Variants in ATP6V0C observed in about 807,000 individuals in gnomAD.
The protein encoded by ATP6V0C is ATPase H+ transporting V0 subunit c, also known as V-type proton ATPase 16 kDa proteolipid subunit c.
In ATP6V0C, 2 loss-of-function variants were observed where a neutral mutation model predicts 10.6. The ratio of observed to expected loss-of-function variants is 0.19; its 90% CI spans 0.08 to 0.59. The LOEUF (loss-of-function observed/expected upper bound fraction) is 0.59. Ranked by LOEUF, ATP6V0C falls within the 20% of genes least tolerant of loss-of-function variation. The pLI is 0.90. For missense variants in ATP6V0C, 89 were observed against 225.9 expected (o/e 0.39, Z 3.88); for synonymous variants, 128 against 101.3 (o/e 1.26, Z -1.59).
chr16:2,517,974 C>T (rs1452604200), intron 1 of ATP6V0C: 1 of 152,234 alleles, frequency 6.6e-6, no homozygotes, highest in African/African-American at 2.4e-5. Flanking sequence ...CCATGTTACC[C>T]AGGCTAATCT....
intron 1 of ATP6V0C, among the ~76,000 whole-genome samples, chr16:2,518,235 ACACTGCTGTGTC>A (rs371696064): frequency 6.6e-6 from 1 of 152,356 alleles, no homozygotes; most frequent in African/African-American, 2.4e-5. Flanking sequence ...AGCCCCCGTG[ACACTGCTGTGTC>A]CACAGAATTC....
chr16:2,519,663 T>G lies in ATP6V0C; in HGVS notation c.386T>G (p.Val129Gly). The change falls in exon 3 of 3, where the codon GTG becomes GGG. Residue 129 changes from valine to glycine, a missense_variant. Around this residue, in one of 4 missense-constraint regions of ATP6V0C, gnomAD observed 25 missense variants for 92.1 expected, o/e 0.27. Coordinates refer to ENST00000330398, the MANE Select transcript of ATP6V0C (RefSeq NM_001694.4). ...RGTAQQPRLF[V>G]GMILILIFAE... ...ACCGCCCAGCAGCCCCGACTATTCG[T>G]GGGCATGATCCTGATTCTCATCTTC... 1 of 1,612,290 alleles carries G rather than the reference T, an allele frequency of 6.2e-7. No individual in the cohort carries two copies. The highest frequency in any genetic ancestry group is 8.5e-7 in the Non-Finnish European group (1 of 1,178,620).
chr16:2,519,939 C>A lies in ATP6V0C; in HGVS notation c.*194C>A. ...CGCCCCGTGCCGTGGACATCTGGGC[C>A]CACTCATCGCCCCTCCAGGCCCCCG... On this transcript the variant is annotated 3_prime_UTR_variant, in exon 3 of 3. Transcript: ENST00000330398. 1 of 799,338 alleles carries A rather than the reference C, an allele frequency of 1.3e-6. No homozygotes were observed. Among genetic ancestry groups the A allele is most frequent in the Non-Finnish European group, 2.1e-6 (1 of 476,606 alleles). 49.5% of individuals were successfully genotyped at this position (799,338 alleles called of 1,614,324 possible).
intron 1 of ATP6V0C, 87 bp downstream of exon 1, chr16:2,514,269 ACT>A (rs1355960456): frequency 2.2e-6 from 3 of 1,378,318 alleles, no homozygotes; most frequent in African/African-American, 1.5e-5. Flanking sequence ...GTGTGACGTC[ACT>A]CTGACGTAAT....
chr16:2,515,071 A>T (rs2065870674), intron 1 of ATP6V0C, among the ~76,000 whole-genome samples: 1 of 151,566 alleles, frequency 6.6e-6, no homozygotes, highest in Admixed American at 6.6e-5. Flanking sequence ...TGAGGCCTGA[A>T]GTTGGGAGGG....
At chr16:2,517,709 CTGTTTGTG>C (rs1567422135) in intron 1 of ATP6V0C, 2 of 118,590 alleles carry the variant, frequency 1.7e-5, no homozygotes, top group African/African-American at 3.1e-5. Flanking sequence ...GCAGGTCAGG[CTGTTTGTG>C]TGTGTGTGTG....
At chr16:2,519,480 G>T in intron 2 of ATP6V0C, 61 bp from the exon 3 acceptor site, 1 of 1,550,574 alleles carries the variant, frequency 6.4e-7, no homozygotes, top group Non-Finnish European at 8.7e-7. Flanking sequence ...GTGGTGACCC[G>T]GACCCTTGTC....
intron 1 of ATP6V0C, 81 bp from the exon 2 acceptor site, chr16:2,519,137 C>T (rs974580156): frequency 4.3e-5 from 61 of 1,429,996 alleles, no homozygotes; most frequent in Non-Finnish European, 5.6e-5. Flanking sequence ...GCCCTTGGAG[C>T]TGTGCCAAAG....
Position 2,520,057 on chromosome 16 carries a change from TC to T in ATP6V0C, c.*314del, listed in dbSNP as rs1203007315. ...GTTTATTTATAAAGATCTGGCCTGTTCCTGCGTCTGCGGAGCGGCCCTTGTC... is the reference window on the plus strand; with the variant it reads ...GTTTATTTATAAAGATCTGGCCTGTTCTGCGTCTGCGGAGCGGCCCTTGTC... On this transcript the variant is annotated 3_prime_UTR_variant, in exon 3 of 3. Coordinates refer to ENST00000330398, the MANE Select transcript of ATP6V0C (RefSeq NM_001694.4). 3.6e-5 allele frequency: 23 copies of T among 633,542 alleles called. No individual in the cohort carries two copies. Among genetic ancestry groups the T allele is most frequent in the Middle Eastern group, 4.1e-4 (1 of 2,454 alleles). 39.2% of individuals were successfully genotyped at this position (633,542 alleles called of 1,614,324 possible). A position where few individuals can be genotyped will look rare whatever the true frequency, so the allele number is the denominator to read the frequency against.
chr16:2,516,169 G>T (rs2065876362), intron 1 of ATP6V0C, among the ~76,000 whole-genome samples: 2 of 148,936 alleles, frequency 1.3e-5, no homozygotes, highest in African/African-American at 5.0e-5. Flanking sequence ...CTGGAGTGCA[G>T]TGGTGTGGTC....
rs114198130 is a variant in ATP6V0C at position 2,520,062 on chromosome 16, C to T, written c.*317C>T. Reference sequence around the variant, plus strand: ...TTTATAAAGATCTGGCCTGTTCCTGCGTCTGCGGAGCGGCCCTTGTCTCCC... The same window carrying T: ...TTTATAAAGATCTGGCCTGTTCCTGTGTCTGCGGAGCGGCCCTTGTCTCCC... On this transcript the variant is annotated 3_prime_UTR_variant, in exon 3 of 3. Transcript: ENST00000330398. 1.4e-3 allele frequency: 866 copies of T among 626,812 alleles called. 6 individuals carry two copies. The highest frequency in any genetic ancestry group is 0.012 in the African/African-American group (693 of 55,502). The allele number at this position is 626,812 out of a possible 1,614,324, so 38.8% of individuals were successfully genotyped here.
chr16:2,519,881 C>A lies in ATP6V0C; in HGVS notation c.*136C>A. Reference sequence around the variant, plus strand: ...CTTGTACATGCGCAGTGTCCTAGTGCCCATCGTCTGTTTCCCCGGCCTTGC... The same window carrying A: ...CTTGTACATGCGCAGTGTCCTAGTGACCATCGTCTGTTTCCCCGGCCTTGC... On this transcript the variant is annotated 3_prime_UTR_variant, in exon 3 of 3. Transcript: ENST00000330398. 8.2e-7 allele frequency: 1 copy of A among 1,213,978 alleles called. No homozygotes were observed. The highest frequency in any genetic ancestry group is 1.2e-6 in the Non-Finnish European group (1 of 845,146). 75.2% of individuals were successfully genotyped at this position (1,213,978 alleles called of 1,614,324 possible). A position where few individuals can be genotyped will look rare whatever the true frequency, so the allele number is the denominator to read the frequency against.
Position 2,519,821 on chromosome 16 carries a change from A to T in ATP6V0C, c.*76A>T. 2 of 1,562,016 alleles carry T rather than the reference A, an allele frequency of 1.3e-6. No homozygotes were observed. Among genetic ancestry groups the T allele is most frequent in the Non-Finnish European group, 1.8e-6 (2 of 1,138,712 alleles). Reference sequence around the variant, plus strand: ...CTCATTCCAGAACGAACAGCCTGACACATACGCACGGGGCCGCCGCCCCCA... The same window carrying T: ...CTCATTCCAGAACGAACAGCCTGACTCATACGCACGGGGCCGCCGCCCCCA... On this transcript the variant is annotated 3_prime_UTR_variant, in exon 3 of 3. Coordinates refer to ENST00000330398, the MANE Select transcript of ATP6V0C (RefSeq NM_001694.4).
At position 2,519,894 on chromosome 16, in the gene ATP6V0C, T is replaced by G; in HGVS notation, c.*149T>G. 1.7e-6 allele frequency: 2 copies of G among 1,164,678 alleles called. No homozygotes were observed. Among genetic ancestry groups the G allele is most frequent in the South Asian group, 2.6e-5 (2 of 77,244 alleles). 72.1% of individuals were successfully genotyped at this position (1,164,678 alleles called of 1,614,324 possible). On this transcript the variant is annotated 3_prime_UTR_variant, in exon 3 of 3. Transcript: ENST00000330398. ...AGTGTCCTAGTGCCCATCGTCTGTTTCCCCGGCCTTGCCCCCGCCCGCCCC... is the reference window on the plus strand; with the variant it reads ...AGTGTCCTAGTGCCCATCGTCTGTTGCCCCGGCCTTGCCCCCGCCCGCCCC...
intron 1 of ATP6V0C, among the ~76,000 whole-genome samples, chr16:2,515,953 G>A (rs2065875124): frequency 6.6e-6 from 1 of 152,162 alleles, no homozygotes. Flanking sequence ...TGGGCAGCCT[G>A]ACCAGCAGGT....
intron 1 of ATP6V0C, chr16:2,516,862 C>T (rs2065879709): frequency 6.6e-6 from 1 of 152,358 alleles, no homozygotes; most frequent in South Asian, 2.1e-4. Context: ...TCTGGTCAGG[C>T]TTGGCCTCCG....
chr16:2,519,494 C>T (rs1433502984), intron 2 of ATP6V0C, 47 bp from the exon 3 acceptor site: 17 of 1,543,972 alleles, frequency 1.1e-5, no homozygotes, highest in Non-Finnish European at 1.5e-5. Context: ...CCTTGTCTCC[C>T]CCTGGTTGGC....
At chr16:2,517,464 CCT>C (rs1236970538) in intron 1 of ATP6V0C, 1 of 152,418 alleles carries the variant, frequency 6.6e-6, no homozygotes, top group Non-Finnish European at 1.5e-5. Flanking sequence ...TTCTGTGACT[CCT>C]CTCTCCCGCC....
rs1181310183 is a variant in ATP6V0C, at chr16:2,519,676, G to T, written c.399G>T (p.Leu133=). The part of the protein sequence containing the change: ...QQPRLFVGMI[L]ILIFAEVLGL... ...CCCGACTATTCGTGGGCATGATCCT[G>T]ATTCTCATCTTCGCCGAGGTGCTCG... Residue 133 remains leucine (L), a synonymous_variant, in exon 3 of 3, where the codon CTG becomes CTT. Transcript: ENST00000330398. The T allele has an allele frequency of 6.2e-6, 10 of 1,612,080 alleles. No individual in the cohort carries two copies. Among genetic ancestry groups the T allele is most frequent in the Non-Finnish European group, 8.5e-6 (10 of 1,178,516 alleles).
Sources: gnomAD v4.1 joint callset for allele counts (sites outside exome capture counted in the v4.1 genomes callset) on GRCh38, gnomAD v4.1.1 for gene constraint, gnomAD v4.1.1 regional missense constraint, MANE v1.5 for transcripts, NCBI Gene and HGNC (gene_info 2026-07-23, HGNC 2026-07-21) for gene names.